The following PLXDC1 variants were observed in gnomAD, a reference collection of about 807,000 sequenced individuals.
PLXDC1 encodes the protein plexin domain containing 1.
Under a neutral mutation model 61.3 loss-of-function variants are expected in PLXDC1, and 39 were observed. That is an observed-to-expected ratio of 0.64 (90% CI 0.49 to 0.83). PLXDC1 has a LOEUF of 0.83. Ranked by LOEUF, PLXDC1 falls within the 40% of genes least tolerant of loss-of-function variation. PLXDC1 has a pLI of 0.00. For synonymous variants in PLXDC1, 212 were observed against 254.5 expected, an observed-to-expected ratio of 0.83 and a Z score of 1.59; for missense variants, 596 against 666.5, an observed-to-expected ratio of 0.89 and a Z score of 1.17.
chr17:39,145,939 C>T (rs988790069), intron 1 of PLXDC1, among the ~76,000 whole-genome samples: 3 of 152,172 alleles, frequency 2.0e-5, no homozygotes, highest in Admixed American at 6.5e-5. Flanking sequence ...CCCAGCAAGT[C>T]GCCCTGCCTT....
At position 39,148,376 on chromosome 17, in the gene PLXDC1, T is replaced by A. The variant is rs190609824; in HGVS notation, c.76+2986A>T. On this transcript the variant is annotated intron_variant, in intron 1 of 13. Transcript: ENST00000315392. ...ACACCGCCATGCCCAGCTAATTTTTTATTTTAATTTTAATTTTTTTTTTTG... is the reference window on the plus strand; with the variant it reads ...ACACCGCCATGCCCAGCTAATTTTTAATTTTAATTTTAATTTTTTTTTTTG... Among the ~76,000 whole-genome samples the A allele has an allele frequency of 6.6e-3, 1,000 of 151,902 alleles. 14 individuals are homozygous for A. The highest frequency in any genetic ancestry group is 0.023 in the African/African-American group (933 of 41,388).
intron 4 of PLXDC1, chr17:39,108,647 GAC>G: frequency 1.8e-6 from 1 of 544,726 alleles, no homozygotes; most frequent in Middle Eastern, 5.0e-4. Flanking sequence ...GCAACTCCGG[GAC>G]ACAGGGCTGT....
intron 2 of PLXDC1, among the ~76,000 whole-genome samples, chr17:39,117,436 G>A (rs958614610): frequency 6.6e-6 from 1 of 152,278 alleles, no homozygotes; most frequent in African/African-American, 2.4e-5. Context: ...ATGTCCACTT[G>A]CCATCTGAAT....
chr17:39,128,106 T>TATAC (rs1911386290), intron 2 of PLXDC1, among the ~76,000 whole-genome samples: 1 of 98,484 alleles, frequency 1.0e-5, no homozygotes, highest in Non-Finnish European at 2.0e-5. Flanking sequence ...TGTATATATA[T>TATAC]ATATATATGT....
At chr17:39,091,958 CA>C (rs71141756) in intron 7 of PLXDC1, among the ~76,000 whole-genome samples, 1,403 of 105,256 alleles carry the variant, frequency 0.013, 12 homozygotes, top group East Asian at 0.028. Flanking sequence ...GACTCTATCT[CA>C]AAAAAAAAAA....
chr17:39,152,286 C>G (rs2045379204), upstream of PLXDC1, among the ~76,000 whole-genome samples: 1 of 152,104 alleles, frequency 6.6e-6, no homozygotes, highest in South Asian at 2.1e-4. Context: ...CCCCTCCCCA[C>G]GAGTAGGTAA....
intron 2 of PLXDC1, among the ~76,000 whole-genome samples, chr17:39,114,164 T>C (rs1185321365): frequency 6.6e-6 from 1 of 152,126 alleles, no homozygotes; most frequent in African/African-American, 2.4e-5. Flanking sequence ...CCTGATGACA[T>C]GCTAGAGGGC....
intron 13 of PLXDC1, 56 bp from the exon 14 acceptor site, chr17:39,068,015 C>T: frequency 6.3e-7 from 1 of 1,583,968 alleles, no homozygotes; most frequent in African/African-American, 1.3e-5. Flanking sequence ...CATGGGGACC[C>T]CACACTCCTG....
chr17:39,072,638 C>T, intron 11 of PLXDC1, 153 bp from the exon 12 acceptor site: 2 of 669,400 alleles, frequency 3.0e-6, no homozygotes, highest in Non-Finnish European at 5.5e-6. Flanking sequence ...GCTCAAGTCA[C>T]ACAGCAGTTG....
intron 2 of PLXDC1, among the ~76,000 whole-genome samples, chr17:39,136,708 A>C (rs1911763103): frequency 6.6e-6 from 1 of 152,174 alleles, no homozygotes; most frequent in Non-Finnish European, 1.5e-5. Context: ...TTACATCCAC[A>C]AAAAAAGAAC....
chr17:39,067,434 T>A lies in PLXDC1; in HGVS notation c.*406A>T, dbSNP rs184221018. Reference sequence around the variant, plus strand: ...ACATGCTTCCCCTTTAATCCCAGAGTTAGTTTTGCAAACGGCATGATTCCT... The same window carrying A: ...ACATGCTTCCCCTTTAATCCCAGAGATAGTTTTGCAAACGGCATGATTCCT... On this transcript the variant is annotated 3_prime_UTR_variant, in exon 14 of 14. Transcript: ENST00000315392. 6.2e-6 allele frequency: 1 copy of A among 161,590 alleles called. No homozygotes were observed. The highest frequency in any genetic ancestry group is 1.8e-4 in the East Asian group (1 of 5,580). The allele number at this position is 161,590 out of a possible 1,614,324, so 10.0% of individuals were successfully genotyped here.
intron 2 of PLXDC1, among the ~76,000 whole-genome samples, chr17:39,121,482 C>A (rs913041010): frequency 2.0e-5 from 3 of 152,184 alleles, no homozygotes; most frequent in African/African-American, 7.2e-5. Context: ...TCTCTAAAGT[C>A]AATCACTGCT....
At chr17:39,107,566 G>T in intron 5 of PLXDC1, 41 bp from the exon 6 acceptor site, 1 of 1,407,556 alleles carries the variant, frequency 7.1e-7, no homozygotes, top group Non-Finnish European at 1.0e-6. Context: ...GGGAGATCAT[G>T]CAAGGAGCAG....
At chr17:39,069,791 C>T (rs1567751660) in intron 13 of PLXDC1, 65 bp downstream of exon 13, 19 of 1,299,854 alleles carry the variant, frequency 1.5e-5, no homozygotes, top group Middle Eastern at 2.3e-4. Flanking sequence ...AGGCAGGGAC[C>T]GAATGGCCCA....
intron 2 of PLXDC1, among the ~76,000 whole-genome samples, chr17:39,124,202 G>C (rs1166532135): frequency 2.0e-5 from 3 of 152,276 alleles, no homozygotes; most frequent in South Asian, 2.1e-4. Context: ...CACTTCCAAG[G>C]GGATTTTTTG....
intron 2 of PLXDC1, among the ~76,000 whole-genome samples, chr17:39,111,619 C>T (rs1259359639): frequency 6.6e-6 from 1 of 152,180 alleles, no homozygotes; most frequent in Non-Finnish European, 1.5e-5. Flanking sequence ...TCACCCCTAC[C>T]TCCCCAATGA....
At chr17:39,107,709 G>A in intron 5 of PLXDC1, 184 bp from the exon 6 acceptor site, 1 of 626,950 alleles carries the variant, frequency 1.6e-6, no homozygotes, top group Non-Finnish European at 2.9e-6. Flanking sequence ...AAGCAGCAGA[G>A]GAGCCAGAAG....
chr17:39,075,228 G>A (rs1251611450), intron 11 of PLXDC1, among the ~76,000 whole-genome samples: 1 of 152,188 alleles, frequency 6.6e-6, no homozygotes, highest in African/African-American at 2.4e-5. Flanking sequence ...CAAAGTGTTG[G>A]GATTACAGGC....
At chr17:39,099,946 G>T (rs572490810) in intron 7 of PLXDC1, among the ~76,000 whole-genome samples, 1 of 151,998 alleles carries the variant, frequency 6.6e-6, no homozygotes, top group African/African-American at 2.4e-5. Flanking sequence ...TCTAGCCAGC[G>T]GAATGTGGCA....
Sources: gnomAD v4.1 joint callset for allele counts (sites outside exome capture counted in the v4.1 genomes callset) on GRCh38, gnomAD v4.1.1 for gene constraint, MANE v1.5 for transcripts, NCBI Gene and HGNC (gene_info 2026-07-23, HGNC 2026-07-21) for gene names.